Variants in EML4 observed in about 807,000 individuals in gnomAD.
EML4 encodes the protein EMAP like 4.
A neutral mutation model predicts 129.0 loss-of-function variants in EML4; 72 were observed. That is an observed-to-expected ratio of 0.56 (90% CI 0.46 to 0.68). EML4 has a LOEUF of 0.68. Ranked by LOEUF, EML4 falls within the 30% of genes least tolerant of loss-of-function variation. EML4 has a pLI of 0.00. For synonymous variants in EML4, 532 were observed against 405.0 expected, an observed-to-expected ratio of 1.31 and a Z score of -3.77; for missense variants, 1,363 against 1,190.6, an observed-to-expected ratio of 1.14 and a Z score of -2.13.
chr2:42,227,436 C>T (rs868449147), intron 1 of EML4, among the ~76,000 whole-genome samples: 1 of 151,700 alleles, frequency 6.6e-6, no homozygotes, highest in African/African-American at 2.4e-5. Context: ...AGAATTACAT[C>T]CTACCTGCTT....
intron 17 of EML4, among the ~76,000 whole-genome samples, chr2:42,313,988 G>A (rs1669101041): frequency 6.6e-6 from 1 of 151,594 alleles, no homozygotes; most frequent in Non-Finnish European, 1.5e-5. Context: ...TTACATTAGT[G>A]GTGGAATTTT....
intron 2 of EML4, among the ~76,000 whole-genome samples, chr2:42,252,401 A>G (rs953477039): frequency 7.2e-5 from 11 of 152,178 alleles, no homozygotes; most frequent in African/African-American, 2.4e-4. Context: ...TTCACGCTAC[A>G]TAGCTCTTGG....
intron 1 of EML4, among the ~76,000 whole-genome samples, chr2:42,207,607 A>G (rs1008081611): frequency 1.3e-5 from 2 of 152,214 alleles, no homozygotes; most frequent in Admixed American, 6.5e-5. Flanking sequence ...AATTTAGTTA[A>G]CAGGCAACTT....
intron 7 of EML4, 91 bp downstream of exon 7, chr2:42,281,064 C>CA (rs878979316): frequency 0.028 from 22,005 of 784,022 alleles, 1 homozygote; most frequent in South Asian, 0.035. Context: ...TGTCTTTATA[C>CA]AAAAAAAAAA....
At chr2:42,328,727 A>G (rs558468841) in intron 21 of EML4, among the ~76,000 whole-genome samples, 159 bp from the exon 22 acceptor site, 1 of 152,390 alleles carries the variant, frequency 6.6e-6, no homozygotes, top group African/African-American at 2.4e-5. Flanking sequence ...AATGAAGAAC[A>G]GTGTGAGCCA....
At chr2:42,312,775 G>A (rs910253516) in intron 17 of EML4, among the ~76,000 whole-genome samples, 3 of 150,572 alleles carry the variant, frequency 2.0e-5, no homozygotes, top group East Asian at 2.0e-4. Flanking sequence ...GGGTGGGCTC[G>A]ATCTCCTGAC....
intron 1 of EML4, among the ~76,000 whole-genome samples, chr2:42,219,244 T>TGATATGTGGATTTTTTCAACCAAAC (rs1673400487): frequency 6.6e-6 from 1 of 152,212 alleles, no homozygotes; most frequent in South Asian, 2.1e-4. Flanking sequence ...GCAGGTCCAC[T>TGATATGTGGATTTTTTCAACCAAAC]GATATGTGGA....
chr2:42,315,887 A>C (rs1669218662), intron 17 of EML4, 75 bp from the exon 18 acceptor site: 2 of 1,136,566 alleles, frequency 1.8e-6, no homozygotes, highest in South Asian at 1.3e-5. Flanking sequence ...TCTCAAAAAA[A>C]AAAGAAAAAG....
In EML4 at chr2:42,330,201, G is replaced by A. The variant is rs777457843; in HGVS notation, c.2940G>A (p.Ser980=). The A allele has an allele frequency of 1.9e-5, 31 of 1,612,570 alleles. No homozygotes were observed. The highest frequency in any genetic ancestry group is 6.7e-5 in the East Asian group (3 of 44,870). The stretch of plus-strand genomic sequence containing the variant: ...AGGACCAGCAAGACCCTTCGCCCTC[G>A]TCCTAACACCCTGGCTTCAGTGCAA... ...LLEDQQDPSP[S]S is the part of the protein sequence containing the mutation. Residue 980 remains serine, a synonymous_variant, in exon 23 of 23, where the codon TCG becomes TCA. Coordinates refer to ENST00000318522, the MANE Select transcript of EML4 (RefSeq NM_019063.5).
At chr2:42,217,327 G>GT (rs146496479) in intron 1 of EML4, among the ~76,000 whole-genome samples, 22 of 151,274 alleles carry the variant, frequency 1.5e-4, no homozygotes, top group South Asian at 8.4e-4. Context: ...GAGTCTCTAA[G>GT]TTTTTTTTTC....
intron 2 of EML4, among the ~76,000 whole-genome samples, chr2:42,246,642 T>C (rs188425514): frequency 6.6e-6 from 1 of 152,356 alleles, no homozygotes; most frequent in African/African-American, 2.4e-5. Context: ...GAATTACATA[T>C]GGATCTAGTG....
intron 1 of EML4, among the ~76,000 whole-genome samples, chr2:42,171,650 G>C (rs893930312): frequency 1.3e-5 from 2 of 152,198 alleles, no homozygotes; most frequent in Admixed American, 1.3e-4. Context: ...GGTATGTGAT[G>C]AGACTTTCCT....
intron 17 of EML4, among the ~76,000 whole-genome samples, chr2:42,313,283 T>C (rs1352159264): frequency 1.3e-5 from 2 of 152,204 alleles, no homozygotes; most frequent in African/African-American, 4.8e-5. Context: ...AACATGTATT[T>C]GATTGATGTC....
Position 42,322,382 on chromosome 2 carries a change from T to C in EML4, c.2155-3085T>C, listed in dbSNP as rs117553982. 2.0e-4 allele frequency among the ~76,000 whole-genome samples: 31 copies of C among 152,332 alleles called. 1 individual carries two copies. The East Asian group carries it at 6.0e-3, about 29-fold the overall frequency. On this transcript the variant is annotated intron_variant, in intron 19 of 22. Coordinates refer to ENST00000318522, the MANE Select transcript of EML4 (RefSeq NM_019063.5). The stretch of plus-strand genomic sequence containing the variant: ...AGATATTTTTTATCACTGCAGAAAG[T>C]TCCACTGAACAGCATAGCTCTAAAT...
At chr2:42,185,778 A>G (rs1006728353) in intron 1 of EML4, among the ~76,000 whole-genome samples, 12 of 152,146 alleles carry the variant, frequency 7.9e-5, no homozygotes, top group African/African-American at 2.4e-4. Context: ...GTTTGCTCGT[A>G]CTGGGGAGAA....
At chr2:42,303,286 T>G (rs1668396234) in intron 15 of EML4, 29 bp from the exon 16 acceptor site, 1 of 1,614,096 alleles carries the variant, frequency 6.2e-7, no homozygotes, top group East Asian at 2.2e-5. Context: ...TCTTTGGTTC[T>G]TATAACAATG....
chr2:42,266,146 A>G (rs1558556865), intron 6 of EML4, among the ~76,000 whole-genome samples: 3 of 152,216 alleles, frequency 2.0e-5, no homozygotes, highest in African/African-American at 7.2e-5. Flanking sequence ...TTCCAAAAAG[A>G]AAAGAAAGAA....
intron 6 of EML4, among the ~76,000 whole-genome samples, chr2:42,274,857 A>G (rs1666572787): frequency 6.6e-6 from 1 of 152,208 alleles, no homozygotes; most frequent in Non-Finnish European, 1.5e-5. Context: ...GGTGAAGGAC[A>G]CAGAAGGGAA....
At chr2:42,243,325 C>G (rs967133787) in intron 1 of EML4, among the ~76,000 whole-genome samples, 1 of 151,414 alleles carries the variant, frequency 6.6e-6, no homozygotes, top group Non-Finnish European at 1.5e-5. Context: ...GAATATAGAT[C>G]AGCTAGAATT....
Sources: gnomAD v4.1 joint callset for allele counts (sites outside exome capture counted in the v4.1 genomes callset) on GRCh38, gnomAD v4.1.1 for gene constraint, MANE v1.5 for transcripts, NCBI Gene and HGNC (gene_info 2026-07-23, HGNC 2026-07-21) for gene names.